ADAP2: variants seen among roughly 807,000 people sequenced by gnomAD.
ADAP2 encodes ArfGAP with dual PH domains 2.
In ADAP2, 42 loss-of-function variants were observed where a neutral mutation model predicts 54.9. The ratio of observed to expected loss-of-function variants is 0.77; its 90% CI spans 0.60 to 0.99. The LOEUF is 0.99. Among genes scored for constraint, ADAP2 ranks in the 50% least tolerant of loss-of-function variants. The pLI is 0.00. For synonymous variants in ADAP2, 177 were observed against 180.1 expected, an observed-to-expected ratio of 0.98 and a Z score of 0.14; for missense variants, 429 against 480.4, an observed-to-expected ratio of 0.89 and a Z score of 1.00.
In ADAP2 at chr17:30,956,225, T is replaced by G. The variant is rs1278786682; in HGVS notation, c.883-16T>G. The G allele has an allele frequency of 1.2e-5, 20 of 1,613,394 alleles. No homozygotes were observed. Among genetic ancestry groups the G allele is most frequent in the African/African-American group, 5.3e-5 (4 of 74,920 alleles). ...CTGGGGGCACCCTCTGATGACCCTG[T>G]ACTCTCCATTTTCAGGATGCCTTCG... On this transcript the variant is annotated splice_polypyrimidine_tract_variant and intron_variant, in intron 9 of 10. Transcript: ENST00000330889.
chr17:30,949,098 C>T (rs1241300834), intron 6 of ADAP2, among the ~76,000 whole-genome samples, 189 bp from the exon 7 acceptor site: 1 of 152,246 alleles, frequency 6.6e-6, no homozygotes, highest in Non-Finnish European at 1.5e-5. Context: ...TTCCTGCTTG[C>T]CCGGGTTAGC....
intron 3 of ADAP2, among the ~76,000 whole-genome samples, 153 bp from the exon 4 acceptor site, chr17:30,931,736 G>A (rs951415676): frequency 5.9e-5 from 9 of 151,526 alleles, no homozygotes; most frequent in Admixed American, 1.3e-4. Flanking sequence ...TGGGAGGATC[G>A]CCTGGGCCTA....
chr17:30,956,675 C>T (rs1196986076), intron 10 of ADAP2: 2 of 600,886 alleles, frequency 3.3e-6, no homozygotes, highest in Non-Finnish European at 5.8e-6. Context: ...GTTCCCCTAA[C>T]CGAGCCCTTC....
At chr17:30,950,215 G>A (rs1016647760) in intron 7 of ADAP2, among the ~76,000 whole-genome samples, 1 of 152,192 alleles carries the variant, frequency 6.6e-6, no homozygotes, top group African/African-American at 2.4e-5. Flanking sequence ...CATTACAGTT[G>A]TAACAGGAGC....
chr17:30,947,150 G>A (rs1217363995), intron 6 of ADAP2, among the ~76,000 whole-genome samples: 1 of 152,194 alleles, frequency 6.6e-6, no homozygotes, highest in Admixed American at 6.5e-5. Context: ...AAGCTAAATG[G>A]ACAGGCATAA....
chr17:30,936,634 T>G (rs1001002633), intron 5 of ADAP2, among the ~76,000 whole-genome samples: 2 of 152,100 alleles, frequency 1.3e-5, no homozygotes, highest in Admixed American at 1.3e-4. Flanking sequence ...TTTCCCATAT[T>G]GGCCGGGCGC....
In ADAP2 at chr17:30,926,868, C is replaced by A. The variant is rs529826184; in HGVS notation, c.267C>A (p.Phe89Leu). ...HNGNLRVKAK[F>L]EARVPAFYYI... ...GAAACCTCCGTGTGAAGGCCAAGTT[C>A]GAAGCCAGAGTCCCAGCTTTCTACT... The change falls in exon 3 of 11, where the codon TTC (phenylalanine) becomes TTA (leucine). Residue 89 changes from phenylalanine (F) to leucine (L), a missense_variant. Phe to Leu is a conservative substitution (Grantham distance 22). Coordinates refer to ENST00000330889, the MANE Select transcript of ADAP2 (RefSeq NM_018404.3). The A allele has an allele frequency of 6.2e-7, 1 of 1,614,204 alleles. No individual in the cohort carries two copies. The highest frequency in any genetic ancestry group is 8.5e-7 in the Non-Finnish European group (1 of 1,180,044).
chr17:30,922,842 G>A, intron 1 of ADAP2, 98 bp from the exon 2 acceptor site: 1 of 1,400,780 alleles, frequency 7.1e-7, no homozygotes, highest in African/African-American at 1.4e-5. Context: ...GCCTTAGGTG[G>A]GAGAAGGGGC....
At chr17:30,927,041 T>C (rs1911109575) in intron 3 of ADAP2, 123 bp downstream of exon 3, 1 of 722,320 alleles carries the variant, frequency 1.4e-6, no homozygotes, top group Non-Finnish European at 2.4e-6. Flanking sequence ...CGCAGGTGGA[T>C]CCAGGAAAGC....
At chr17:30,937,801 AT>A (rs1462567770) in intron 5 of ADAP2, among the ~76,000 whole-genome samples, 1 of 152,196 alleles carries the variant, frequency 6.6e-6, no homozygotes, top group Non-Finnish European at 1.5e-5. Context: ...ACAAGAATAG[AT>A]TTGCTATTTA....
chr17:30,936,360 T>C (rs1911880745), intron 5 of ADAP2, among the ~76,000 whole-genome samples: 1 of 152,096 alleles, frequency 6.6e-6, no homozygotes, highest in Non-Finnish European at 1.5e-5. Context: ...GATAGGGTTT[T>C]GCTTTGTTGT....
chr17:30,957,745 C>T, intron 10 of ADAP2, 90 bp from the exon 11 acceptor site: 1 of 1,347,042 alleles, frequency 7.4e-7, no homozygotes, highest in Non-Finnish European at 1.1e-6. Context: ...CTCCCTCTGT[C>T]TTTGTACGCC....
chr17:30,949,381 T>C lies in ADAP2; in HGVS notation c.741+11T>C. 6.2e-7 allele frequency: 1 copy of C among 1,611,524 alleles called. No homozygotes were observed. Among genetic ancestry groups the C allele is most frequent in the Non-Finnish European group, 8.5e-7 (1 of 1,177,634 alleles). On this transcript the variant is annotated intron_variant, in intron 7 of 10. Transcript: ENST00000330889. ...CTCCCAGAGTCTGAGGTGAGCTAAA[T>C]GCGGACCCCAATTTCTGAATCTCCT...
chr17:30,949,239 C>T (rs1228725279), intron 6 of ADAP2, 48 bp from the exon 7 acceptor site: 7 of 1,536,366 alleles, frequency 4.6e-6, no homozygotes, highest in Non-Finnish European at 5.4e-6. Flanking sequence ...GCTTCCCACC[C>T]ACCCCATCTC....
intron 5 of ADAP2, among the ~76,000 whole-genome samples, chr17:30,939,771 C>CAAAA (rs1334968924): frequency 1.8e-5 from 1 of 55,926 alleles, no homozygotes; most frequent in Non-Finnish European, 3.9e-5. Flanking sequence ...ATTCCATTTC[C>CAAAA]AAAAAAAAAA....
At chr17:30,922,860 C>T in intron 1 of ADAP2, 80 bp from the exon 2 acceptor site, 1 of 1,510,430 alleles carries the variant, frequency 6.6e-7, no homozygotes. Flanking sequence ...GGCGCCCCAC[C>T]TGCCCCAGTG....
intron 7 of ADAP2, among the ~76,000 whole-genome samples, chr17:30,950,101 C>A (rs1217781660): frequency 6.6e-6 from 1 of 152,208 alleles, no homozygotes; most frequent in Non-Finnish European, 1.5e-5. Flanking sequence ...ATGAGTTATA[C>A]AGTCCCAGGA....
At chr17:30,936,431 A>G (rs1373517878) in intron 5 of ADAP2, among the ~76,000 whole-genome samples, 1 of 152,034 alleles carries the variant, frequency 6.6e-6, no homozygotes, top group Non-Finnish European at 1.5e-5. Context: ...CCAAAGTACT[A>G]GGATTATAGA....
chr17:30,922,829 T>A, intron 1 of ADAP2, 111 bp from the exon 2 acceptor site: 1 of 1,280,666 alleles, frequency 7.8e-7, no homozygotes, highest in Non-Finnish European at 1.1e-6. Flanking sequence ...GGCCGCTTAG[T>A]TCGCCTTAGG....
Sources: allele counts gnomAD v4.1 joint callset (sites outside exome capture counted in the v4.1 genomes callset), GRCh38; gene constraint gnomAD v4.1.1; transcripts MANE v1.5; gene names NCBI Gene and HGNC (gene_info 2026-07-23, HGNC 2026-07-21).